GADL1: variants seen among roughly 807,000 people sequenced by gnomAD.
GADL1 encodes the protein GAD like acidic amino acid decarboxylase 1.
GADL1 carries 71 observed loss-of-function variants against 69.5 expected under a neutral mutation model. The ratio of observed to expected loss-of-function variants is 1.02; its 90% CI spans 0.84 to 1.25. GADL1 has a LOEUF of 1.25. GADL1 is among the 50% of genes most tolerant of loss of function. GADL1 has a pLI of 0.00. For synonymous variants in GADL1, 254 were observed against 214.4 expected, an observed-to-expected ratio of 1.18 and a Z score of -1.62; for missense variants, 737 against 631.8, an observed-to-expected ratio of 1.17 and a Z score of -1.79.
At chr3:30,736,363 C>T (rs1031364629) in intron 14 of GADL1, among the ~76,000 whole-genome samples, 4 of 152,226 alleles carry the variant, frequency 2.6e-5, no homozygotes, top group East Asian at 1.9e-4. Context: ...AATCATATTT[C>T]TCTTCCATTC....
Position 30,778,235 on chromosome 3 carries a change from G to A in GADL1, c.1336C>T (p.Pro446Ser). The change falls in exon 14 of 15, where the codon CCA becomes TCA. Residue 446 changes from proline to serine, a missense_variant. Coordinates refer to ENST00000282538, the MANE Select transcript of GADL1 (RefSeq NM_207359.3). Reference sequence around the variant, plus strand: ...TCTTCCATCTCTCTGAGGCTCGGTGGAATGTACCAAAAGCAAATATTGGCA... The same window carrying A: ...TCTTCCATCTCTCTGAGGCTCGGTGAAATGTACCAAAAGCAAATATTGGCA... ...EYANICFWYI[P>S]PSLREMEEGP... 1 of 1,612,120 alleles carries A rather than the reference G, an allele frequency of 6.2e-7. No individual in the cohort carries two copies.
intron 14 of GADL1, among the ~76,000 whole-genome samples, chr3:30,760,492 C>T (rs1696101877): frequency 1.3e-5 from 2 of 152,200 alleles, no homozygotes; most frequent in African/African-American, 4.8e-5. Context: ...TTCCTCCTAA[C>T]ATCTTACATA....
chr3:30,883,082 T>A (rs11710806), intron 1 of GADL1, among the ~76,000 whole-genome samples: 24,201 of 151,982 alleles, frequency 0.16, 2,344 homozygotes, highest in Admixed American at 0.3. Context: ...TTGAGAATAT[T>A]TTCTCTCATC....
At chr3:30,749,628 GTC>G (rs1245703703) in intron 14 of GADL1, among the ~76,000 whole-genome samples, 2 of 152,158 alleles carry the variant, frequency 1.3e-5, no homozygotes, top group Non-Finnish European at 2.9e-5. Flanking sequence ...GATTTTGTGT[GTC>G]TGTGTTTGTG....
chr3:30,749,135 G>A (rs573814039), intron 14 of GADL1, among the ~76,000 whole-genome samples: 4 of 152,242 alleles, frequency 2.6e-5, no homozygotes, highest in East Asian at 1.9e-4. Context: ...GTTTTCTAGC[G>A]GTTGCTCTGA....
intron 14 of GADL1, among the ~76,000 whole-genome samples, chr3:30,745,013 C>T (rs1575181389): frequency 6.6e-6 from 1 of 152,138 alleles, no homozygotes; most frequent in East Asian, 1.9e-4. Flanking sequence ...AAAAGCTATC[C>T]AGGAGCCATT....
chr3:30,794,995 C>T (rs1304637772), intron 12 of GADL1, among the ~76,000 whole-genome samples: 1 of 152,052 alleles, frequency 6.6e-6, no homozygotes, highest in Non-Finnish European at 1.5e-5. Context: ...GAGACCTGAC[C>T]CTAGGGCCTA....
intron 6 of GADL1, among the ~76,000 whole-genome samples, chr3:30,845,656 CT>C (rs35755196): frequency 0.13 from 19,028 of 152,078 alleles, 1,638 homozygotes; most frequent in Admixed American, 0.27. Flanking sequence ...CTGTAGGATG[CT>C]TTTATTTCAG....
At chr3:30,816,530 CTTTTTTTTTTTTTTTTTTTTTTTT>C (rs773530741) in intron 11 of GADL1, among the ~76,000 whole-genome samples, 1 of 53,996 alleles carries the variant, frequency 1.9e-5, no homozygotes, top group African/African-American at 5.7e-5. Context: ...AATTTGTTTT[CTTTTTTTTTTTTTTTTTTTTTTTT>C]TTTTTTTTTT....
chr3:30,796,681 G>T (rs933033060), intron 12 of GADL1, among the ~76,000 whole-genome samples: 1 of 152,134 alleles, frequency 6.6e-6, no homozygotes, highest in African/African-American at 2.4e-5. Flanking sequence ...AAGCAGAACT[G>T]AAAGATGCAG....
intron 11 of GADL1, among the ~76,000 whole-genome samples, chr3:30,808,472 T>C (rs1218707209): frequency 6.8e-6 from 1 of 146,172 alleles, no homozygotes; most frequent in African/African-American, 2.6e-5. Context: ...CACGCTGGCC[T>C]GGGCGACAGA....
intron 11 of GADL1, among the ~76,000 whole-genome samples, chr3:30,803,837 G>A (rs1465004278): frequency 6.6e-6 from 1 of 152,186 alleles, no homozygotes; most frequent in Non-Finnish European, 1.5e-5. Flanking sequence ...ATGCTCAGAT[G>A]TCCAGAGAAA....
chr3:30,776,305 TTC>T (rs1287291084), intron 14 of GADL1, among the ~76,000 whole-genome samples: 1 of 152,214 alleles, frequency 6.6e-6, no homozygotes, highest in African/African-American at 2.4e-5. Context: ...AACTTGTAAT[TTC>T]TTTCTCTACC....
At chr3:30,781,238 G>GT (rs574452606) in intron 13 of GADL1, among the ~76,000 whole-genome samples, 116 of 152,216 alleles carry the variant, frequency 7.6e-4, no homozygotes, top group African/African-American at 2.8e-3. Flanking sequence ...TTCTATACCG[G>GT]TTTTCAAACA....
At chr3:30,770,281 C>T (rs917031252) in intron 14 of GADL1, among the ~76,000 whole-genome samples, 11 of 152,202 alleles carry the variant, frequency 7.2e-5, no homozygotes, top group Non-Finnish European at 1.2e-4. Context: ...GGCCTATAAG[C>T]ATTAATTAAG....
chr3:30,832,871 G>A (rs542432314), intron 11 of GADL1, among the ~76,000 whole-genome samples: 1 of 151,972 alleles, frequency 6.6e-6, no homozygotes, highest in East Asian at 2.0e-4. Flanking sequence ...ATTTCTGGTA[G>A]TGTCTATTTC....
chr3:30,799,878 A>G (rs577341679), intron 12 of GADL1: 6 of 152,446 alleles, frequency 3.9e-5, no homozygotes, highest in African/African-American at 1.4e-4. Flanking sequence ...AAAACGTAAC[A>G]AGAGTCAACT....
chr3:30,737,030 T>A (rs1322598039), intron 14 of GADL1, among the ~76,000 whole-genome samples: 1 of 152,202 alleles, frequency 6.6e-6, no homozygotes, highest in African/African-American at 2.4e-5. Context: ...GTCACTTATG[T>A]CTTTATCAAA....
At chr3:30,759,402 C>G (rs78937449) in intron 14 of GADL1, among the ~76,000 whole-genome samples, 2,818 of 152,326 alleles carry the variant, frequency 0.018, 29 homozygotes, top group Non-Finnish European at 0.027. Flanking sequence ...TCTTGTTACA[C>G]TGGACATTTT....
Sources: allele counts gnomAD v4.1 joint callset (sites outside exome capture counted in the v4.1 genomes callset), GRCh38; gene constraint gnomAD v4.1.1; transcripts MANE v1.5; gene names NCBI Gene and HGNC (gene_info 2026-07-23, HGNC 2026-07-21).